SCN2A: variants seen among roughly 807,000 people sequenced by gnomAD.
SCN2A encodes sodium channel protein type 2 subunit alpha.
A neutral mutation model predicts 188.7 loss-of-function variants in SCN2A; 20 were observed. The ratio of observed to expected loss-of-function variants is 0.11; its 90% CI spans 0.07 to 0.15. SCN2A has a LOEUF of 0.15. SCN2A is among the 10% of genes least tolerant of loss of function. The pLI is 1.00. For synonymous variants in SCN2A, 804 were observed against 833.1 expected (o/e 0.97, Z 0.60); for missense variants, 1,278 against 2,445.0 (o/e 0.52, Z 10.07).
At chr2:165,352,430 G>A (rs984091210) in intron 16 of SCN2A, among the ~76,000 whole-genome samples, 1 of 152,106 alleles carries the variant, frequency 6.6e-6, no homozygotes, top group East Asian at 1.9e-4. Flanking sequence ...AGACAAAGGT[G>A]CTGTAAGCCT....
intron 1 of SCN2A, among the ~76,000 whole-genome samples, chr2:165,263,861 C>T (rs773413802): frequency 6.7e-6 from 1 of 149,148 alleles, no homozygotes; most frequent in Non-Finnish European, 1.5e-5. Context: ...TAATCTCCTT[C>T]GTTAAGTATA....
intron 1 of SCN2A, among the ~76,000 whole-genome samples, chr2:165,289,990 G>T (rs1696027151): frequency 6.6e-6 from 1 of 152,130 alleles, no homozygotes; most frequent in Non-Finnish European, 1.5e-5. Flanking sequence ...GCAAGCATGA[G>T]TTCCACATCT....
intron 18 of SCN2A, among the ~76,000 whole-genome samples, chr2:165,365,892 T>G (rs1175320752): frequency 6.6e-6 from 1 of 152,196 alleles, no homozygotes; most frequent in South Asian, 2.1e-4. Flanking sequence ...GCTAAAATTA[T>G]GTAATTTGAG....
rs149859004 is a variant in SCN2A, at chr2:165,354,227, C to T, written c.2955C>T (p.Ser985=). 1.5e-3 allele frequency: 2,392 copies of T among 1,614,022 alleles called. 24 individuals are homozygous for T. The highest frequency in any genetic ancestry group is 6.4e-4 in the Non-Finnish European group (753 of 1,179,984). ...TCTTCTTGGCCTTGCTTTTGAGTTC[C>T]TTCAGTTCTGACAATCTTGCTGCCA... ...LNLFLALLLS[S]FSSDNLAATD... The change falls in exon 17 of 27, where the codon TCC becomes TCT. Residue 985 remains serine, a synonymous_variant. Transcript: ENST00000375437.
At chr2:165,315,896 C>A in intron 11 of SCN2A, 138 bp downstream of exon 11, 2 of 1,038,258 alleles carry the variant, frequency 1.9e-6, no homozygotes, top group Non-Finnish European at 2.8e-6. Context: ...AGTGTTTTGG[C>A]TATCACTTCA....
chr2:165,361,125 G>C (rs1339183184), intron 17 of SCN2A, among the ~76,000 whole-genome samples: 1 of 151,952 alleles, frequency 6.6e-6, no homozygotes, highest in South Asian at 2.1e-4. Context: ...TGCCTAGAAT[G>C]TAATTTTAAG....
chr2:165,365,114 A>G (rs577666742), intron 17 of SCN2A, 29 bp from the exon 18 acceptor site: 12 of 1,601,672 alleles, frequency 7.5e-6, no homozygotes, highest in Admixed American at 5.0e-5. Flanking sequence ...AAATAATTAA[A>G]TGTGTTTTTT....
intron 1 of SCN2A, among the ~76,000 whole-genome samples, chr2:165,287,133 T>A (rs1171117352): frequency 6.6e-6 from 1 of 152,142 alleles, no homozygotes; most frequent in African/African-American, 2.4e-5. Flanking sequence ...CAAAAGGAAG[T>A]AAAGTATACT....
chr2:165,320,012 G>A (rs956927384), intron 11 of SCN2A, among the ~76,000 whole-genome samples: 10 of 152,222 alleles, frequency 6.6e-5, no homozygotes, highest in African/African-American at 1.4e-4. Flanking sequence ...AAGCCTCATC[G>A]GAGACAAGGC....
At chr2:165,243,095 A>G (rs1303434122) in intron 1 of SCN2A, among the ~76,000 whole-genome samples, 1 of 152,216 alleles carries the variant, frequency 6.6e-6, no homozygotes, top group Admixed American at 6.5e-5. Flanking sequence ...AAGCTTTTAC[A>G]TACTTCAGTT....
chr2:165,335,942 A>G (rs1698964981), intron 14 of SCN2A, among the ~76,000 whole-genome samples: 1 of 151,902 alleles, frequency 6.6e-6, no homozygotes, highest in South Asian at 2.1e-4. Flanking sequence ...AAATATTTGA[A>G]TAGACATATT....
chr2:165,315,793 T>A (rs1221081586), intron 11 of SCN2A, 35 bp downstream of exon 11: 14 of 1,598,512 alleles, frequency 8.8e-6, no homozygotes, highest in Non-Finnish European at 1.2e-5. Context: ...TGTGTTCTCA[T>A]AAATTTTTTA....
In SCN2A at chr2:165,323,377, C is replaced by T. The variant is rs894459790; in HGVS notation, c.1893C>T (p.Ala631=). 3.7e-6 allele frequency: 6 copies of T among 1,614,164 alleles called. No individual in the cohort carries two copies. The highest frequency in any genetic ancestry group is 1.7e-5 in the Admixed American group (1 of 60,020). ...GCAATGTCAGCCAGGCCAGCCGTGCCTCCAGGGTGCTCCCCATCCTGCCCA... is the reference window on the plus strand; with the variant it reads ...GCAATGTCAGCCAGGCCAGCCGTGCTTCCAGGGTGCTCCCCATCCTGCCCA... ...RHSNVSQASR[A]SRVLPILPMN... The change falls in exon 12 of 27, where the codon GCC becomes GCT. Residue 631 remains alanine (A), a synonymous_variant. Coordinates refer to ENST00000375437, the MANE Select transcript of SCN2A (RefSeq NM_001040142.2).
intron 13 of SCN2A, among the ~76,000 whole-genome samples, chr2:165,330,847 A>C (rs2105292199): frequency 6.6e-6 from 1 of 152,280 alleles, no homozygotes; most frequent in Admixed American, 6.5e-5. Context: ...TGAGACTTTT[A>C]AACTGAGATT....
rs958546362 is a variant in SCN2A, at chr2:165,390,112, G to C, written c.*288G>C. 26 of 340,162 alleles carry C rather than the reference G, an allele frequency of 7.6e-5. No individual in the cohort carries two copies. Among genetic ancestry groups the C allele is most frequent in the Admixed American group, 5.9e-4 (13 of 21,960 alleles). The allele number at this position is 340,162 out of a possible 1,614,324, so 21.1% of individuals were successfully genotyped here. A position where few individuals can be genotyped will look rare whatever the true frequency, so the allele number is the denominator to read the frequency against. ...TCAGACGATAGGAACCAATTTAAAG[G>C]GGGGAGGGAAGTTAAATTTTTATGT... On this transcript the variant is annotated 3_prime_UTR_variant, in exon 27 of 27. Transcript: ENST00000375437.
At chr2:165,306,709 GT>G (rs1171238332) in intron 3 of SCN2A, among the ~76,000 whole-genome samples, 2 of 151,946 alleles carry the variant, frequency 1.3e-5, no homozygotes, top group African/African-American at 4.8e-5. Flanking sequence ...ACTAAAACCA[GT>G]ACTAGATGCA....
intron 16 of SCN2A, among the ~76,000 whole-genome samples, chr2:165,349,692 C>T (rs1699787989): frequency 6.6e-6 from 1 of 152,198 alleles, no homozygotes; most frequent in Admixed American, 6.5e-5. Context: ...TAAAGGTTCT[C>T]CTTTCTTTTT....
chr2:165,390,638 A>G lies in SCN2A; in HGVS notation c.*814A>G, dbSNP rs1574756533. 2 of 152,440 alleles carry G rather than the reference A, an allele frequency of 1.3e-5. No individual in the cohort carries two copies. The highest frequency in any genetic ancestry group is 6.6e-5 in the Admixed American group (1 of 15,242). 9.4% of individuals were successfully genotyped at this position (152,440 alleles called of 1,614,324 possible). On this transcript the variant is annotated 3_prime_UTR_variant, in exon 27 of 27. Coordinates refer to ENST00000375437, the MANE Select transcript of SCN2A (RefSeq NM_001040142.2). ...TATATGTATATGTGCGTGTATATAC[A>G]TATATATGTATACACACATGCACAC...
chr2:165,256,706 G>T (rs1174283702), intron 1 of SCN2A, among the ~76,000 whole-genome samples: 2 of 152,144 alleles, frequency 1.3e-5, no homozygotes, highest in Non-Finnish European at 2.9e-5. Context: ...TAATTAAAGT[G>T]TCCTCTTTAA....
Sources: allele counts gnomAD v4.1 joint callset (sites outside exome capture counted in the v4.1 genomes callset), GRCh38; gene constraint gnomAD v4.1.1; transcripts MANE v1.5; gene names NCBI Gene and HGNC (gene_info 2026-07-23, HGNC 2026-07-21).